The following AIM2 variants were observed in gnomAD, a reference collection of about 807,000 sequenced individuals.
AIM2 encodes absent in melanoma 2.
A neutral mutation model predicts 27.7 loss-of-function variants in AIM2; 30 were observed. The observed-to-expected ratio is 1.08, with a 90% CI of 0.81 to 1.47. The LOEUF is 1.47. Among genes scored for constraint, AIM2 ranks in the 40% most tolerant of loss-of-function variants. AIM2 has a pLI of 0.00. For missense variants in AIM2, 358 were observed against 411.3 expected, an observed-to-expected ratio of 0.87 and a Z score of 1.12; for synonymous variants, 141 against 145.3, an observed-to-expected ratio of 0.97 and a Z score of 0.21.
chr1:159,113,655 T>C (rs187214250), intron 1 of AIM2, among the ~76,000 whole-genome samples: 28 of 152,334 alleles, frequency 1.8e-4, no homozygotes, highest in African/African-American at 6.7e-4. Context: ...TCCTCCTAAT[T>C]TTCTGATTAG....
intron 1 of AIM2, among the ~76,000 whole-genome samples, chr1:159,111,817 ATCTATCTATCTATCAT>A (rs1657581118): frequency 7.1e-6 from 1 of 140,048 alleles, no homozygotes; most frequent in East Asian, 2.0e-4. Flanking sequence ...AAAAAAAACT[ATCTATCTATCTATCAT>A]CTATCTATCT....
At chr1:159,111,275 A>G (rs958934107) in intron 1 of AIM2, among the ~76,000 whole-genome samples, 8 of 152,338 alleles carry the variant, frequency 5.3e-5, no homozygotes, top group Middle Eastern at 3.4e-3. Flanking sequence ...AGTGCTGGGT[A>G]TGTGTAGCCT....
In AIM2 at chr1:159,136,820, A is replaced by T. The variant is rs3026931; in HGVS notation, c.-16+3611T>A. Among the ~76,000 whole-genome samples, 583 of 152,350 alleles carry T rather than the reference A, an allele frequency of 3.8e-3. 3 individuals are homozygous for T. Among genetic ancestry groups the T allele is most frequent in the African/African-American group, 0.012 (484 of 41,576 alleles). ...ATTGTAATGACAATAAATAAAAATA[A>T]CTAGTTTAAAAATAAGTGATCTCGG... On this transcript the variant is annotated intron_variant, in intron 1 of 2. Transcript: ENST00000368129.
Position 159,073,477 on chromosome 1 carries a change from A to G in AIM2, c.23T>C (p.Ile8Thr). Reference sequence around the variant, plus strand: ...GTTATCCAGGCCTGTTAGCAAGAGTATCTCCTTGTATTTACTCTCCATCTG... The same window carrying G: ...GTTATCCAGGCCTGTTAGCAAGAGTGTCTCCTTGTATTTACTCTCCATCTG... Reference protein sequence around the residue: MESKYKEILLLTGLDNIT... With the variant: MESKYKETLLLTGLDNIT... The change falls in exon 2 of 6, where the codon ATA becomes ACA. Residue 8 changes from isoleucine to threonine, a missense_variant. Coordinates refer to ENST00000368130, the MANE Select transcript of AIM2 (RefSeq NM_004833.3). The G allele has an allele frequency of 1.2e-6, 2 of 1,614,072 alleles. No individual in the cohort carries two copies. Among genetic ancestry groups the G allele is most frequent in the Non-Finnish European group, 1.7e-6 (2 of 1,179,952 alleles).
chr1:159,057,046 G>A, the AIM2 span, among the ~76,000 whole-genome samples: 13 of 152,274 alleles, frequency 8.5e-5, no homozygotes, highest in East Asian at 1.4e-3. Context: ...CCTGGTTCCC[G>A]TCTCTTCCTA....
At chr1:159,063,219 C>T (rs945924288) in intron 5 of AIM2, among the ~76,000 whole-genome samples, 1 of 152,200 alleles carries the variant, frequency 6.6e-6, no homozygotes, top group African/African-American at 2.4e-5. Flanking sequence ...CTGCTTTAGA[C>T]TTGTAGTATA....
intron 2 of AIM2, among the ~76,000 whole-genome samples, chr1:159,071,081 A>G (rs960245016): frequency 6.6e-6 from 1 of 152,196 alleles, no homozygotes; most frequent in African/African-American, 2.4e-5. Flanking sequence ...TTAATCTTGC[A>G]GGACTTTTGT....
upstream of AIM2, among the ~76,000 whole-genome samples, chr1:159,079,421 C>G (rs1656719714): frequency 6.6e-6 from 1 of 151,962 alleles, no homozygotes; most frequent in Non-Finnish European, 1.5e-5. Flanking sequence ...TAATAACCAG[C>G]TAATAAGCAT....
upstream of AIM2, among the ~76,000 whole-genome samples, chr1:159,080,231 A>G (rs917777925): frequency 2.0e-5 from 3 of 152,218 alleles, no homozygotes; most frequent in African/African-American, 7.2e-5. Flanking sequence ...ATAAGATATA[A>G]TAAGAGTATG....
intron 1 of AIM2, among the ~76,000 whole-genome samples, chr1:159,127,653 G>T (rs1343718378): frequency 6.6e-6 from 1 of 152,184 alleles, no homozygotes; most frequent in African/African-American, 2.4e-5. Flanking sequence ...GATTTCATAA[G>T]TGCTCTTATG....
At chr1:159,133,203 C>T (rs907384628) in intron 1 of AIM2, among the ~76,000 whole-genome samples, 8 of 151,204 alleles carry the variant, frequency 5.3e-5, no homozygotes, top group Admixed American at 2.0e-4. Context: ...TTCTCTCTCT[C>T]TTAATGATTT....
intron 1 of AIM2, among the ~76,000 whole-genome samples, chr1:159,086,404 G>C (rs1419821376): frequency 6.6e-6 from 1 of 152,158 alleles, no homozygotes; most frequent in Non-Finnish European, 1.5e-5. Flanking sequence ...TTTTCCTGTT[G>C]GCCAGCTCAT....
intron 1 of AIM2, among the ~76,000 whole-genome samples, chr1:159,108,470 T>C (rs1279838928): frequency 6.6e-6 from 1 of 152,164 alleles, no homozygotes; most frequent in Non-Finnish European, 1.5e-5. Context: ...GCATTCCCTC[T>C]GAGAACTGGA....
intron 1 of AIM2, among the ~76,000 whole-genome samples, chr1:159,129,557 G>A (rs1180222045): frequency 6.6e-6 from 1 of 152,098 alleles, no homozygotes; most frequent in African/African-American, 2.4e-5. Context: ...TGTGATGTTG[G>A]TTACTCAGAG....
At chr1:159,135,886 C>T (rs1648002394) in intron 1 of AIM2, among the ~76,000 whole-genome samples, 1 of 152,158 alleles carries the variant, frequency 6.6e-6, no homozygotes, top group South Asian at 2.1e-4. Flanking sequence ...TTCCCAGCTC[C>T]CCAGGCATTT....
At chr1:159,114,063 T>G (rs536721697) in intron 1 of AIM2, among the ~76,000 whole-genome samples, 34 of 152,322 alleles carry the variant, frequency 2.2e-4, no homozygotes, top group African/African-American at 8.2e-4. Context: ...AGCCAAAGAT[T>G]ATTTTAGGTG....
intron 1 of AIM2, among the ~76,000 whole-genome samples, chr1:159,098,523 G>T (rs1281141459): frequency 6.6e-6 from 1 of 152,156 alleles, no homozygotes; most frequent in Non-Finnish European, 1.5e-5. Flanking sequence ...CAGAGATATA[G>T]AATATTTCCA....
chr1:159,076,114 G>C (rs1024700236), intron 1 of AIM2, among the ~76,000 whole-genome samples: 6 of 152,166 alleles, frequency 3.9e-5, no homozygotes, highest in Non-Finnish European at 8.8e-5. Context: ...CCATCCTACT[G>C]ATGAAAGCAA....
Position 159,073,304 on chromosome 1 carries a change from T to C in AIM2, c.196A>G (p.Ile66Val). ...TAATTCAACTTCTGAAAAATACGAA[T>C]GGTCTTCATCACTGCAGACACCGCC... ...AGAVSAVMKT[I>V]RIFQKLNYML... Residue 66 changes from isoleucine to valine, a missense_variant, in exon 2 of 6, where the codon ATT becomes GTT. Coordinates refer to ENST00000368130, the MANE Select transcript of AIM2 (RefSeq NM_004833.3). 1 of 1,614,196 alleles carries C rather than the reference T, an allele frequency of 6.2e-7. No homozygotes were observed. Among genetic ancestry groups the C allele is most frequent in the Non-Finnish European group, 8.5e-7 (1 of 1,180,034 alleles).
Sources: allele counts gnomAD v4.1 joint callset (sites outside exome capture counted in the v4.1 genomes callset), GRCh38; gene constraint gnomAD v4.1.1; transcripts MANE v1.5; gene names NCBI Gene and HGNC (gene_info 2026-07-23, HGNC 2026-07-21).